RGPD2: variants seen among roughly 807,000 people sequenced by gnomAD.
RGPD2 encodes the protein RANBP2-like and GRIP domain-containing protein 2.
Under a neutral mutation model 36.0 loss-of-function variants are expected in RGPD2, and 2 were observed. That is an observed-to-expected ratio of 0.06 (90% CI 0.02 to 0.17). The LOEUF is 0.17. Among genes scored for constraint, RGPD2 ranks in the 10% least tolerant of loss-of-function variants. The pLI is 1.00. For missense variants in RGPD2, 40 were observed against 464.3 expected, an observed-to-expected ratio of 0.09 and a Z score of 8.40; for synonymous variants, 19 against 163.8, an observed-to-expected ratio of 0.12 and a Z score of 6.75.
chr2:87,951,275 G>A, the RGPD2 span, among the ~76,000 whole-genome samples: 1 of 150,788 alleles, frequency 6.6e-6, no homozygotes, highest in Non-Finnish European at 1.5e-5. Flanking sequence ...AAGGTCCATG[G>A]TTTAATCATT....
At chr2:87,866,038 TA>T in the RGPD2 span, among the ~76,000 whole-genome samples, 1 of 110,710 alleles carries the variant, frequency 9.0e-6, no homozygotes, top group Non-Finnish European at 1.9e-5. Context: ...TGAGATACTT[TA>T]TTTTTTTGTC....
the RGPD2 span, among the ~76,000 whole-genome samples, chr2:87,961,331 C>T: frequency 6.6e-6 from 1 of 152,150 alleles, no homozygotes; most frequent in Non-Finnish European, 1.5e-5. Context: ...TGTACTGCGT[C>T]AGCACTGTGT....
chr2:87,911,210 C>T, the RGPD2 span, among the ~76,000 whole-genome samples: 2 of 126,096 alleles, frequency 1.6e-5, no homozygotes, highest in Admixed American at 8.6e-5. Flanking sequence ...GGACCGTAAA[C>T]TGAGCAATCT....
At chr2:87,989,577 A>T in the RGPD2 span, 1 of 422,670 alleles carries the variant, frequency 2.4e-6, no homozygotes, top group Non-Finnish European at 4.1e-6. Context: ...AAAATGACAC[A>T]ATAGATTTTT....
At chr2:87,940,922 AC>A in the RGPD2 span, among the ~76,000 whole-genome samples, 1 of 152,100 alleles carries the variant, frequency 6.6e-6, no homozygotes, top group South Asian at 2.1e-4. Context: ...ATCTACAAAG[AC>A]CAATAATACT....
At chr2:87,971,956 C>T in the RGPD2 span, among the ~76,000 whole-genome samples, 2 of 151,058 alleles carry the variant, frequency 1.3e-5, no homozygotes, top group African/African-American at 4.9e-5. Flanking sequence ...CAGAACCCAA[C>T]CACCCAAAAA....
At chr2:87,836,689 A>G in the RGPD2 span, among the ~76,000 whole-genome samples, 1 of 151,822 alleles carries the variant, frequency 6.6e-6, no homozygotes, top group Non-Finnish European at 1.5e-5. Context: ...AGTCATCATA[A>G]CAACTAGCTT....
chr2:87,844,037 G>A, the RGPD2 span, among the ~76,000 whole-genome samples: 5 of 149,608 alleles, frequency 3.3e-5, no homozygotes, highest in African/African-American at 1.2e-4. Flanking sequence ...ACAGGAAGGG[G>A]AACATCACAC....
At position 87,798,632 on chromosome 2, in the gene RGPD2, GATAATGAGGTCAGGAGATCAAGA is replaced by G. The variant is rs1685778701; in HGVS notation, c.1064-481_1064-459del. Among the ~76,000 whole-genome samples, 3 of 86,450 alleles carry G rather than the reference GATAATGAGGTCAGGAGATCAAGA, an allele frequency of 3.5e-5. No homozygotes were observed. In the South Asian group the frequency reaches 1.3e-3, roughly 39 times the overall value. 56.7% of individuals were successfully genotyped at this position (86,450 alleles called of 152,430 possible). A position where few individuals can be genotyped will look rare whatever the true frequency, so the allele number is the denominator to read the frequency against. On this transcript the variant is annotated intron_variant, in intron 8 of 22. Transcript: ENST00000398146. ...GCACTTTGGGAGGCCAAGCTGGGTG[GATAATGAGGTCAGGAGATCAAGA>G]CCATCCTGGCTAACACAGTGAAACT...
the RGPD2 span, among the ~76,000 whole-genome samples, chr2:87,915,552 ATGTGTATATATATACACATATATGTGTG>A: frequency 2.8e-5 from 4 of 143,236 alleles, no homozygotes; most frequent in African/African-American, 1.0e-4. Flanking sequence ...ATATATGTGT[ATGTGTATATATATACACATATATGTGTG>A]TGTATATACA....
chr2:87,905,231 C>T, the RGPD2 span, among the ~76,000 whole-genome samples: 19 of 152,236 alleles, frequency 1.2e-4, no homozygotes, highest in Non-Finnish European at 2.1e-4. Context: ...TGTGCGCTGT[C>T]ACAGGACACG....
the RGPD2 span, among the ~76,000 whole-genome samples, chr2:87,920,141 C>T: frequency 2.0e-5 from 3 of 151,556 alleles, no homozygotes; most frequent in Non-Finnish European, 2.9e-5. Context: ...GAAACCGTGA[C>T]CATAAAATGT....
the RGPD2 span, among the ~76,000 whole-genome samples, chr2:87,948,170 G>A: frequency 3.9e-5 from 6 of 152,234 alleles, no homozygotes; most frequent in South Asian, 1.2e-3. Flanking sequence ...GAGCTGTGTG[G>A]CATTAGACAA....
intron 7 of RGPD2, among the ~76,000 whole-genome samples, chr2:87,805,734 C>T (rs1685923325): frequency 1.3e-5 from 2 of 152,042 alleles, no homozygotes; most frequent in African/African-American, 4.8e-5. Context: ...GTGGTGGGCG[C>T]TTGTAGTTCC....
intron 17 of RGPD2, among the ~76,000 whole-genome samples, chr2:87,790,075 TGTA>T (rs1369124575): frequency 7.3e-6 from 1 of 136,718 alleles, no homozygotes; most frequent in Non-Finnish European, 1.6e-5. Context: ...CCAAAGAAAT[TGTA>T]GTGGTATCAG....
chr2:87,809,946 C>T (rs1246250750), intron 6 of RGPD2, among the ~76,000 whole-genome samples: 2 of 71,048 alleles, frequency 2.8e-5, no homozygotes, highest in Non-Finnish European at 6.1e-5. Flanking sequence ...TGCAGTGAGC[C>T]GAGATTGCGC....
chr2:87,857,339 TA>T, the RGPD2 span, among the ~76,000 whole-genome samples: 1 of 152,256 alleles, frequency 6.6e-6, no homozygotes, highest in East Asian at 1.9e-4. Context: ...ATATTTAAAA[TA>T]TTTGTATACT....
intron 22 of RGPD2, among the ~76,000 whole-genome samples, chr2:87,769,870 ATAAAT>A (rs1177278424): frequency 1.3e-5 from 2 of 152,260 alleles, no homozygotes; most frequent in Non-Finnish European, 2.9e-5. Context: ...TTTTGTTAGA[ATAAAT>A]TAAAGACAGT....
At position 87,805,838 on chromosome 2, in the gene RGPD2, C is replaced by T. The variant is rs1341692609; in HGVS notation, c.975+858G>A. Among the ~76,000 whole-genome samples the T allele has an allele frequency of 1.0e-4, 13 of 130,590 alleles. No homozygotes were observed. The South Asian group carries it at 1.2e-3, about 12-fold the overall frequency. The allele number at this position is 130,590 out of a possible 152,430, so 85.7% of individuals were successfully genotyped here. On this transcript the variant is annotated intron_variant, in intron 7 of 22. Transcript: ENST00000398146. ...TCGTGCCACTGCACTCCAGCCTGGG[C>T]GACAGAGCGAGACTCCGTCTCAAAA...
Sources: gnomAD v4.1 joint callset for allele counts (sites outside exome capture counted in the v4.1 genomes callset) on GRCh38, gnomAD v4.1.1 for gene constraint, MANE v1.5 for transcripts, NCBI Gene and HGNC (gene_info 2026-07-23, HGNC 2026-07-21) for gene names.